Variants in KCNV2 observed in about 807,000 individuals in gnomAD.
KCNV2 encodes potassium voltage-gated channel subfamily V member 2.
A neutral mutation model predicts 37.0 loss-of-function variants in KCNV2; 65 were observed. The ratio of observed to expected loss-of-function variants is 1.76; its 90% confidence interval spans 1.44 to 2.16. KCNV2 has a LOEUF of 2.16. KCNV2 is among the 30% of genes most tolerant of loss of function. The pLI is 0.00. For synonymous variants in KCNV2, 518 were observed against 328.6 expected, an observed-to-expected ratio of 1.58 and a Z score of -6.23; for missense variants, 1,232 against 766.7, an observed-to-expected ratio of 1.61 and a Z score of -7.17.
chr9:2,723,794 T>G (rs1819922316), intron 1 of KCNV2, among the ~76,000 whole-genome samples: 1 of 152,188 alleles, frequency 6.6e-6, no homozygotes, highest in African/African-American at 2.4e-5. Flanking sequence ...TGGGAGAACT[T>G]CTGAGAGTCC....
Position 2,726,801 on chromosome 9 carries a change from T to A in KCNV2, c.1357-2645T>A, listed in dbSNP as rs567111713. Reference sequence around the variant, plus strand: ...GGGCCATCAATCATTACCGCCTAAGTTCTGCCTCCTGTCAGATCAACCACA... The same window carrying A: ...GGGCCATCAATCATTACCGCCTAAGATCTGCCTCCTGTCAGATCAACCACA... On this transcript the variant is annotated intron_variant, in intron 1 of 1. Transcript: ENST00000382082. Among the ~76,000 whole-genome samples the A allele has an allele frequency of 1.2e-4, 19 of 152,262 alleles. No individual in the cohort carries two copies. The South Asian group carries it at 1.9e-3, about 15-fold the overall frequency.
intron 1 of KCNV2, among the ~76,000 whole-genome samples, chr9:2,723,294 T>C (rs1819913150): frequency 6.6e-6 from 1 of 152,216 alleles, no homozygotes; most frequent in South Asian, 2.1e-4. Flanking sequence ...GTTTCTCTTA[T>C]CCATTCTTTT....
At chr9:2,724,104 G>C (rs1819930255) in intron 1 of KCNV2, among the ~76,000 whole-genome samples, 1 of 150,982 alleles carries the variant, frequency 6.6e-6, no homozygotes. Context: ...ATTTCCTTCT[G>C]AGTTTTCCAG....
chr9:2,720,430 G>A (rs1025788103), intron 1 of KCNV2: 1 of 152,098 alleles, frequency 6.6e-6, no homozygotes, highest in Non-Finnish European at 1.5e-5. Flanking sequence ...ATGTATAGAG[G>A]ATATGTGAGC....
chr9:2,719,209 C>G (rs1028221432), intron 1 of KCNV2, 114 bp downstream of exon 1: 68 of 1,180,696 alleles, frequency 5.8e-5, no homozygotes, highest in South Asian at 4.7e-4. Flanking sequence ...TCTTCCCCCC[C>G]ACCCCCAATC....
intron 1 of KCNV2, among the ~76,000 whole-genome samples, chr9:2,719,641 C>T (rs1325180846): frequency 1.3e-5 from 2 of 152,220 alleles, no homozygotes; most frequent in Admixed American, 1.3e-4. Context: ...CAAACTGAAA[C>T]TTGCTCTGAC....
intron 1 of KCNV2, among the ~76,000 whole-genome samples, chr9:2,727,496 C>G (rs1449145897): frequency 6.6e-6 from 1 of 152,202 alleles, no homozygotes; most frequent in Non-Finnish European, 1.5e-5. Flanking sequence ...CACTTTATCA[C>G]TGCCTCACAT....
chr9:2,717,680 C>G lies in KCNV2; in HGVS notation c.-60C>G, dbSNP rs970728783. 6.2e-7 allele frequency: 1 copy of G among 1,606,212 alleles called. No individual in the cohort carries two copies. Among genetic ancestry groups the G allele is most frequent in the Non-Finnish European group, 8.5e-7 (1 of 1,173,686 alleles). On this transcript the variant is annotated 5_prime_UTR_variant, in exon 1 of 2. Coordinates refer to ENST00000382082, the MANE Select transcript of KCNV2 (RefSeq NM_133497.4). ...GATCCATCCTCCTAGAGGCAGTGAG[C>G]AGGTGAGGGACCCCTACCACAGCCA...
chr9:2,718,733 C>A lies in KCNV2; in HGVS notation c.994C>A (p.Arg332Ser), dbSNP rs527647651. 2 of 1,612,418 alleles carry A rather than the reference C, an allele frequency of 1.2e-6. No homozygotes were observed. The highest frequency in any genetic ancestry group is 1.7e-6 in the Non-Finnish European group (2 of 1,179,854). Residue 332 changes from arginine (R) to serine (S), a missense_variant, in exon 1 of 2, where the codon CGC becomes AGC. Coordinates refer to ENST00000382082, the MANE Select transcript of KCNV2 (RefSeq NM_133497.4). ...CACGCCCGACCTGAGGCGCTTCGCGCGCAGCGCCCTCAACCTGGTGGACCT... is the reference window on the plus strand; with the variant it reads ...CACGCCCGACCTGAGGCGCTTCGCGAGCAGCGCCCTCAACCTGGTGGACCT... ...ASTPDLRRFARSALNLVDLVA... is the reference protein window; with the variant it reads ...ASTPDLRRFASSALNLVDLVA...
Position 2,717,846 on chromosome 9 carries a change from G to A in KCNV2, c.107G>A (p.Arg36His), listed in dbSNP as rs201847891. The A allele has an allele frequency of 8.9e-5, 143 of 1,614,214 alleles. No homozygotes were observed. The highest frequency in any genetic ancestry group is 2.9e-4 in the East Asian group (13 of 44,876). The change falls in exon 1 of 2, where the codon CGT (arginine) becomes CAT (histidine). Residue 36 changes from arginine to histidine, a missense_variant. By Grantham distance (29) the Arg-to-His change is conservative (BLOSUM62 0). Coordinates refer to ENST00000382082, the MANE Select transcript of KCNV2 (RefSeq NM_133497.4). Reference sequence around the variant, plus strand: ...AGGAGCATTTGCTCCCTGGGTGCCCGTTCCGGCTCCCAGGCCAGCATCCAC... The same window carrying A: ...AGGAGCATTTGCTCCCTGGGTGCCCATTCCGGCTCCCAGGCCAGCATCCAC... ...HRRSICSLGA[R>H]SGSQASIHGW...
chr9:2,729,711 C>A lies in KCNV2; in HGVS notation c.1622C>A (p.Pro541Gln), dbSNP rs543865855. The change falls in exon 2 of 2, where the codon CCA becomes CAA. Residue 541 changes from proline (P) to glutamine (Q), a missense_variant. Physicochemically the swap from Pro to Gln is moderately conservative, Grantham distance 76. Coordinates refer to ENST00000382082, the MANE Select transcript of KCNV2 (RefSeq NM_133497.4). Reference protein sequence around the residue: ...CLLGSNPQLTPRQEN With the variant: ...CLLGSNPQLTQRQEN ...CTTGGAAGCAACCCACAGCTCACCC[C>A]AAGACAAGAGAATTAGTATTTTATA... The A allele has an allele frequency of 6.8e-6, 11 of 1,613,994 alleles. No individual in the cohort carries two copies. In the South Asian group the frequency reaches 1.1e-4, roughly 16 times the overall value.
rs1233843071 is a variant in KCNV2 at position 2,718,362 on chromosome 9, A to G, written c.623A>G (p.Asp208Gly). The G allele has an allele frequency of 6.9e-6, 11 of 1,599,540 alleles. No individual in the cohort carries two copies. Among genetic ancestry groups the G allele is most frequent in the Non-Finnish European group, 9.4e-6 (11 of 1,174,822 alleles). The stretch of plus-strand genomic sequence containing the variant: ...CGCATCTGCTTCGAGGAGCGGCGCG[A>G]CGAGCTGAGCGAACGGCTCAAGATC... ...CCRICFEERR[D>G]ELSERLKIQH... The change falls in exon 1 of 2, where the codon GAC (aspartate) becomes GGC (glycine). Residue 208 changes from aspartate (D) to glycine (G), a missense_variant. Asp to Gly is a moderately conservative substitution (Grantham distance 94, BLOSUM62 -1). Coordinates refer to ENST00000382082, the MANE Select transcript of KCNV2 (RefSeq NM_133497.4).
intron 1 of KCNV2, among the ~76,000 whole-genome samples, chr9:2,722,546 GTTAT>G (rs201173700): frequency 7.6e-6 from 1 of 131,692 alleles, no homozygotes; most frequent in Non-Finnish European, 1.5e-5. Context: ...TAAATTAGAA[GTTAT>G]TTATAAATAA....
Position 2,717,815 on chromosome 9 carries a change from C to T in KCNV2, c.76C>T (p.His26Tyr). The change falls in exon 1 of 2, where the codon CAC (histidine) becomes TAC (tyrosine). Residue 26 changes from histidine (H) to tyrosine (Y), a missense_variant. Transcript: ENST00000382082. ...WNTTENEGSQ[H>Y]RRSICSLGAR... ...CACGACGGAGAATGAGGGCAGCCAACACCGCAGGAGCATTTGCTCCCTGGG... is the reference window on the plus strand; with the variant it reads ...CACGACGGAGAATGAGGGCAGCCAATACCGCAGGAGCATTTGCTCCCTGGG... The T allele has an allele frequency of 6.2e-7, 1 of 1,614,256 alleles. No homozygotes were observed.
chr9:2,718,076 T>A lies in KCNV2; in HGVS notation c.337T>A (p.Cys113Ser), dbSNP rs752621455. Residue 113 changes from cysteine (C) to serine (S), a missense_variant, in exon 1 of 2, where the codon TGC becomes AGC. Coordinates refer to ENST00000382082, the MANE Select transcript of KCNV2 (RefSeq NM_133497.4). ...TGGCCACAGCTACCAGCTGGACTAC[T>A]GCGAGCTGGCCGGCTTCCCCAAGAC... ...VGGHSYQLDYCELAGFPKTRL... is the reference protein window; with the variant it reads ...VGGHSYQLDYSELAGFPKTRL... 5.6e-6 allele frequency: 9 copies of A among 1,603,150 alleles called. No homozygotes were observed. Among genetic ancestry groups the A allele is most frequent in the Non-Finnish European group, 8.5e-7 (1 of 1,174,556 alleles).
At position 2,718,348 on chromosome 9, in the gene KCNV2, C is replaced by G. The variant is rs766849652; in HGVS notation, c.609C>G (p.Phe203Leu). ...KYTPRCCRIC[F>L]EERRDELSER... The stretch of plus-strand genomic sequence containing the variant: ...CGCCACGCTGCTGCCGCATCTGCTT[C>G]GAGGAGCGGCGCGACGAGCTGAGCG... The change falls in exon 1 of 2, where the codon TTC becomes TTG. Residue 203 changes from phenylalanine (F) to leucine (L), a missense_variant. Physicochemically the swap from Phe to Leu is conservative, Grantham distance 22. Transcript: ENST00000382082. The G allele has an allele frequency of 5.6e-6, 9 of 1,600,250 alleles. No homozygotes were observed. The highest frequency in any genetic ancestry group is 1.3e-5 in the African/African-American group (1 of 74,958).
At position 2,717,772 on chromosome 9, in the gene KCNV2, G is replaced by A; in HGVS notation, c.33G>A (p.Trp11Ter). Residue 11 changes from tryptophan to a stop codon, truncating the protein, a stop_gained, in exon 1 of 2, where the codon TGG becomes TGA. Transcript: ENST00000382082. LOFTEE classifies it high-confidence loss of function. MLKQSERRRS[W>*]SYRPWNTTEN... is the part of the protein sequence containing the mutation. ...AACAGAGTGAGAGGAGACGGTCCTG[G>A]AGCTACAGGCCCTGGAACACGACGG... 6.2e-7 allele frequency: 1 copy of A among 1,614,198 alleles called. No homozygotes were observed. The highest frequency in any genetic ancestry group is 1.3e-5 in the African/African-American group (1 of 75,056).
chr9:2,717,961 G>A lies in KCNV2; in HGVS notation c.222G>A (p.Glu74=). 1 of 1,614,184 alleles carries A rather than the reference G, an allele frequency of 6.2e-7. No homozygotes were observed. Among genetic ancestry groups the A allele is most frequent in the Non-Finnish European group, 8.5e-7 (1 of 1,180,038 alleles). Residue 74 remains glutamate (E), a synonymous_variant, in exon 1 of 2, where the codon GAG becomes GAA. Coordinates refer to ENST00000382082, the MANE Select transcript of KCNV2 (RefSeq NM_133497.4). The part of the protein sequence containing the change: ...EDQWKDDLAE[E]DQQAGEVTTA... ...AGTGGAAGGACGACCTGGCAGAAGA[G>A]GACCAGCAGGCAGGGGAGGTCACCA...
chr9:2,723,262 T>C (rs1415875799), intron 1 of KCNV2, among the ~76,000 whole-genome samples: 5 of 152,220 alleles, frequency 3.3e-5, no homozygotes, highest in Admixed American at 3.3e-4. Context: ...CTTTGTGAAA[T>C]ATGCATCCCA....
Sources: allele counts gnomAD v4.1 joint callset (sites outside exome capture counted in the v4.1 genomes callset), GRCh38; gene constraint gnomAD v4.1.1; transcripts MANE v1.5; gene names NCBI Gene and HGNC (gene_info 2026-07-23, HGNC 2026-07-21).